The following STPG2 variants were observed in gnomAD, a reference collection of about 807,000 sequenced individuals.
STPG2 encodes sperm tail PG-rich repeat containing 2.
A neutral mutation model predicts 54.2 loss-of-function variants in STPG2; 56 were observed. The ratio of observed to expected loss-of-function variants is 1.03; its 90% CI spans 0.83 to 1.29. The LOEUF (loss-of-function observed/expected upper bound fraction) is 1.29, where lower values mean the gene tolerates loss of function less well. Ranked by LOEUF, STPG2 falls within the 50% of genes most tolerant of loss-of-function variation. STPG2 has a pLI of 0.00. For missense variants in STPG2, 596 were observed against 544.9 expected (o/e 1.09, Z -0.93); for synonymous variants, 200 against 181.8 (o/e 1.10, Z -0.81).
At chr4:97,471,914 T>A (rs1729946176) in intron 4 of STPG2, among the ~76,000 whole-genome samples, 1 of 152,174 alleles carries the variant, frequency 6.6e-6, no homozygotes. Flanking sequence ...TACATCCCAA[T>A]GGTAAATAAA....
At chr4:97,633,532 G>C (rs1395069807) in intron 10 of STPG2, 1 of 152,576 alleles carries the variant, frequency 6.6e-6, no homozygotes, top group East Asian at 1.9e-4. Flanking sequence ...ACAGCTCCCA[G>C]CCTGAGCGAC....
At chr4:97,842,102 A>G (rs1247881886) in intron 8 of STPG2, among the ~76,000 whole-genome samples, 2 of 151,796 alleles carry the variant, frequency 1.3e-5, no homozygotes, top group Non-Finnish European at 2.9e-5. Flanking sequence ...TGTTCCTTAC[A>G]TCCATATTAT....
rs1337812276 is a variant in STPG2 at position 97,639,619 on chromosome 4, T to G, written c.1320+73080A>C. ...GGTTTAAACAAAGCATAGCTACATA[T>G]TACGGTTGAAAGGAATACAAACATT... is the stretch of plus-strand genomic sequence containing the variant. On this transcript the variant is annotated intron_variant, in intron 10 of 10. Transcript: ENST00000295268. Among the ~76,000 whole-genome samples the G allele has an allele frequency of 5.3e-5, 8 of 152,222 alleles. No individual in the cohort carries two copies. The East Asian group carries it at 1.2e-3, about 22-fold the overall frequency.
intron 2 of STPG2, 42 bp from the exon 3 acceptor site, chr4:98,128,634 G>A: frequency 6.9e-7 from 1 of 1,447,994 alleles, no homozygotes; most frequent in Non-Finnish European, 9.2e-7. Context: ...CAAGGCAAGA[G>A]GAAGGGGAAT....
intron 10 of STPG2, among the ~76,000 whole-genome samples, chr4:97,622,210 C>T (rs1734030175): frequency 6.6e-6 from 1 of 152,134 alleles, no homozygotes; most frequent in Non-Finnish European, 1.5e-5. Flanking sequence ...CCCTTGAATA[C>T]TGGAACAAGA....
At chr4:97,600,928 C>T (rs927364787) in intron 10 of STPG2, among the ~76,000 whole-genome samples, 2 of 151,712 alleles carry the variant, frequency 1.3e-5, no homozygotes, top group African/African-American at 4.8e-5. Context: ...GAAATTTTAG[C>T]CAAAGAGGTT....
chr4:97,561,230 A>T lies in STPG2; in HGVS notation c.1321-2113T>A, dbSNP rs550313522. ...TGGTGAGCATTTTTTCATGTGTTTT[A>T]TGGCTGCATAAATGTCTTCTTTTGA... On this transcript the variant is annotated intron_variant, in intron 10 of 10. Transcript: ENST00000295268. 4.0e-3 allele frequency among the ~76,000 whole-genome samples: 610 copies of T among 151,920 alleles called. 3 individuals carry two copies. The highest frequency in any genetic ancestry group is 0.02 in the South Asian group (94 of 4,800).
intron 8 of STPG2, among the ~76,000 whole-genome samples, chr4:97,877,296 A>G (rs1312617918): frequency 3.3e-5 from 5 of 152,158 alleles, no homozygotes. Flanking sequence ...AGGAACTCAA[A>G]CAACTCAATA....
At chr4:97,683,393 G>T (rs188416057) in intron 10 of STPG2, among the ~76,000 whole-genome samples, 15 of 151,860 alleles carry the variant, frequency 9.9e-5, no homozygotes, top group African/African-American at 3.4e-4. Flanking sequence ...ATGACAAACA[G>T]CTACAGTACA....
At chr4:97,555,408 TG>T (rs1732057049), downstream of STPG2, among the ~76,000 whole-genome samples, 5 of 152,130 alleles carry the variant, frequency 3.3e-5, no homozygotes, top group South Asian at 1.0e-3. Context: ...TACTGGGTAA[TG>T]TGATCCTACT....
chr4:97,565,371 T>A (rs114560727), intron 10 of STPG2, among the ~76,000 whole-genome samples: 4 of 151,926 alleles, frequency 2.6e-5, no homozygotes, highest in Non-Finnish European at 4.4e-5. Context: ...TCTTTTCCCT[T>A]GGTTTGAATT....
chr4:98,059,719 T>C (rs149761197), intron 5 of STPG2, among the ~76,000 whole-genome samples: 281 of 150,716 alleles, frequency 1.9e-3, no homozygotes, highest in African/African-American at 6.7e-3. Flanking sequence ...TCTACCATGA[T>C]CAAATAGGCT....
chr4:97,494,330 T>G (rs1470717944), intron 4 of STPG2, among the ~76,000 whole-genome samples: 1 of 151,492 alleles, frequency 6.6e-6, no homozygotes, highest in Admixed American at 6.6e-5. Context: ...AATGAACATT[T>G]ACTTAGTGGG....
intron 9 of STPG2, among the ~76,000 whole-genome samples, chr4:97,837,332 T>G (rs1217289477): frequency 6.6e-6 from 1 of 151,702 alleles, no homozygotes; most frequent in Non-Finnish European, 1.5e-5. Flanking sequence ...CAACACAATG[T>G]ATGAGGCTCC....
At chr4:97,918,587 A>C (rs1731976128) in intron 8 of STPG2, among the ~76,000 whole-genome samples, 1 of 152,022 alleles carries the variant, frequency 6.6e-6, no homozygotes, top group African/African-American at 2.4e-5. Flanking sequence ...ATATGTATAC[A>C]CATATATATA....
intron 5 of STPG2, among the ~76,000 whole-genome samples, chr4:98,074,550 T>A (rs957826929): frequency 6.6e-6 from 1 of 152,208 alleles, no homozygotes; most frequent in Non-Finnish European, 1.5e-5. Context: ...CTTCTGAGAC[T>A]CTAATTACAC....
chr4:97,631,306 T>G (rs1721271292), intron 10 of STPG2, among the ~76,000 whole-genome samples: 2 of 152,022 alleles, frequency 1.3e-5, no homozygotes, highest in African/African-American at 4.8e-5. Context: ...TGTTTAAATT[T>G]CCATCAACAC....
intron 9 of STPG2, among the ~76,000 whole-genome samples, chr4:97,825,530 A>C (rs1401082786): frequency 6.6e-6 from 1 of 152,148 alleles, no homozygotes; most frequent in Non-Finnish European, 1.5e-5. Flanking sequence ...TGGTATAAAA[A>C]TGGGACCCTT....
chr4:97,699,363 T>C (rs1408292369), intron 10 of STPG2, among the ~76,000 whole-genome samples: 2 of 152,244 alleles, frequency 1.3e-5, no homozygotes, highest in Non-Finnish European at 2.9e-5. Context: ...ATTACTAAAA[T>C]GCTCCTCTGT....
Sources: allele counts gnomAD v4.1 joint callset (sites outside exome capture counted in the v4.1 genomes callset), GRCh38; gene constraint gnomAD v4.1.1; transcripts MANE v1.5; gene names NCBI Gene and HGNC (gene_info 2026-07-23, HGNC 2026-07-21).